Variants in SEC24B observed in about 807,000 individuals in gnomAD.
SEC24B encodes SEC24 homolog B, COPII component, also known as protein transport protein Sec24B.
SEC24B carries 45 observed loss-of-function variants against 142.8 expected under a neutral mutation model. That is an observed-to-expected ratio of 0.32 (90% CI 0.25 to 0.40). SEC24B has a LOEUF of 0.40. SEC24B is among the 10% of genes least tolerant of loss of function. The pLI is 1.00. For synonymous variants in SEC24B, 574 were observed against 568.2 expected (o/e 1.01, Z -0.15); for missense variants, 1,409 against 1,526.8 (o/e 0.92, Z 1.29).
intron 22 of SEC24B, among the ~76,000 whole-genome samples, chr4:109,536,509 G>T (rs1725553733): frequency 6.6e-6 from 1 of 152,106 alleles, no homozygotes; most frequent in South Asian, 2.1e-4. Flanking sequence ...ATCACTAGAA[G>T]AAATATTTGT....
intron 2 of SEC24B, among the ~76,000 whole-genome samples, chr4:109,468,371 G>A (rs887819365): frequency 6.6e-6 from 1 of 152,088 alleles, no homozygotes; most frequent in Non-Finnish European, 1.5e-5. Context: ...CTGAGAAGAC[G>A]AGATGTTCAT....
chr4:109,471,132 T>C (rs1732480080), intron 2 of SEC24B, among the ~76,000 whole-genome samples: 2 of 152,182 alleles, frequency 1.3e-5, no homozygotes, highest in Admixed American at 1.3e-4. Context: ...CGTACACATA[T>C]ACCTGATATG....
chr4:109,486,416 C>A (rs1163984804), intron 4 of SEC24B, among the ~76,000 whole-genome samples: 1 of 152,098 alleles, frequency 6.6e-6, no homozygotes, highest in Non-Finnish European at 1.5e-5. Flanking sequence ...CAGCTTAAGC[C>A]TTTTTTTAAA....
At chr4:109,489,618 A>T (rs71623653) in intron 4 of SEC24B, among the ~76,000 whole-genome samples, 3,241 of 106,188 alleles carry the variant, frequency 0.031, 128 homozygotes, top group African/African-American at 0.11. Flanking sequence ...TATATTATAT[A>T]TTATAATATA....
At position 109,511,985 on chromosome 4, in the gene SEC24B, T is replaced by C; in HGVS notation, c.1805T>C (p.Ile602Thr). The change falls in exon 9 of 24, where the codon ATT becomes ACT. Residue 602 changes from isoleucine to threonine, a missense_variant. By Grantham distance (89) the Ile-to-Thr change is moderately conservative. This residue lies in a region of SEC24B where 700 missense variants were observed against 853.3 expected (regional missense o/e 0.82). Coordinates refer to ENST00000265175, the MANE Select transcript of SEC24B (RefSeq NM_006323.5). ...TQLPVITSNT[I>T]VRCRSCRTYI... ...TTACCAGTGATAACATCAAATACCA[T>C]TGTGAGGTGCCGATCCTGTCGAACG... is the stretch of plus-strand genomic sequence containing the variant. The C allele has an allele frequency of 6.2e-7, 1 of 1,613,774 alleles. No individual in the cohort carries two copies. Among genetic ancestry groups the C allele is most frequent in the African/African-American group, 1.3e-5 (1 of 75,040 alleles).
At chr4:109,456,598 A>G (rs530370301) in intron 1 of SEC24B, among the ~76,000 whole-genome samples, 54 of 152,186 alleles carry the variant, frequency 3.5e-4, no homozygotes, top group African/African-American at 1.3e-3. Context: ...GAGAGTTTTT[A>G]TCATGAATGG....
intron 2 of SEC24B, among the ~76,000 whole-genome samples, chr4:109,467,052 C>G (rs1731974688): frequency 6.6e-6 from 1 of 151,938 alleles, no homozygotes; most frequent in African/African-American, 2.4e-5. Flanking sequence ...TCCAGCCGGG[C>G]GCGGTGGCTC....
chr4:109,472,943 T>C (rs2125960855), intron 2 of SEC24B, 61 bp from the exon 3 acceptor site: 3 of 682,352 alleles, frequency 4.4e-6, no homozygotes, highest in South Asian at 4.3e-5. Flanking sequence ...TTGTATGTGG[T>C]ACTATATTAT....
intron 6 of SEC24B, among the ~76,000 whole-genome samples, chr4:109,499,017 C>A (rs1280952563): frequency 6.6e-6 from 1 of 151,970 alleles, no homozygotes; most frequent in Non-Finnish European, 1.5e-5. Flanking sequence ...TTAAAAATTA[C>A]AAATTTAGTG....
chr4:109,491,717 A>C (rs565299401), intron 5 of SEC24B, among the ~76,000 whole-genome samples: 1 of 151,880 alleles, frequency 6.6e-6, no homozygotes, highest in Non-Finnish European at 1.5e-5. Flanking sequence ...TTATATTTCT[A>C]TTGTCATGCT....
chr4:109,458,259 A>G (rs1730905960), intron 1 of SEC24B, among the ~76,000 whole-genome samples: 1 of 152,122 alleles, frequency 6.6e-6, no homozygotes, highest in African/African-American at 2.4e-5. Flanking sequence ...TTCTCTCGAT[A>G]TCCCTTGTCT....
intron 10 of SEC24B, 27 bp downstream of exon 10, chr4:109,513,883 A>T: frequency 7.3e-7 from 1 of 1,371,568 alleles, no homozygotes. Flanking sequence ...AAGATTTGTT[A>T]TGGAACACAA....
chr4:109,460,235 C>G (rs181190160), intron 1 of SEC24B, among the ~76,000 whole-genome samples: 2 of 152,170 alleles, frequency 1.3e-5, no homozygotes, highest in Admixed American at 1.3e-4. Context: ...TTACTTAGTA[C>G]AAATTGAAAA....
chr4:109,530,600 G>A, intron 19 of SEC24B, 136 bp downstream of exon 19: 1 of 784,448 alleles, frequency 1.3e-6, no homozygotes, highest in East Asian at 2.7e-5. Context: ...GAGTTTTGAA[G>A]AATAGAAAAA....
At chr4:109,435,508 G>A (rs1302457461) in intron 1 of SEC24B, among the ~76,000 whole-genome samples, 4 of 152,146 alleles carry the variant, frequency 2.6e-5, no homozygotes, top group Non-Finnish European at 4.4e-5. Flanking sequence ...GTCTTTCCTT[G>A]ATTTTCTGAA....
At chr4:109,526,616 T>C (rs1724256087) in intron 17 of SEC24B, among the ~76,000 whole-genome samples, 1 of 152,208 alleles carries the variant, frequency 6.6e-6, no homozygotes, top group South Asian at 2.1e-4. Flanking sequence ...AGACTTGTAT[T>C]CTTAGAATCT....
At chr4:109,507,510 G>A (rs116441570) in intron 7 of SEC24B, among the ~76,000 whole-genome samples, 1 of 152,086 alleles carries the variant, frequency 6.6e-6, no homozygotes, top group Non-Finnish European at 1.5e-5. Flanking sequence ...CTGACTTCAG[G>A]TGACCTGCCC....
chr4:109,508,609 A>G (rs1736977800), intron 7 of SEC24B, among the ~76,000 whole-genome samples: 1 of 152,152 alleles, frequency 6.6e-6, no homozygotes, highest in African/African-American at 2.4e-5. Context: ...TTGCATATGT[A>G]TAAGAGAACC....
chr4:109,530,521 A>G, intron 19 of SEC24B, 57 bp downstream of exon 19: 1 of 1,377,104 alleles, frequency 7.3e-7, no homozygotes, highest in Non-Finnish European at 1.0e-6. Context: ...TCAGATATGT[A>G]CATGAAGAAA....
Sources: gnomAD v4.1 joint callset for allele counts (sites outside exome capture counted in the v4.1 genomes callset) on GRCh38, gnomAD v4.1.1 for gene constraint, gnomAD v4.1.1 regional missense constraint, MANE v1.5 for transcripts, NCBI Gene and HGNC (gene_info 2026-07-23, HGNC 2026-07-21) for gene names.